The following C8A variants were observed in gnomAD, a reference collection of about 807,000 sequenced individuals.
C8A encodes the protein complement C8 alpha chain, also known as complement component C8 alpha chain.
Under a neutral mutation model 65.3 loss-of-function variants are expected in C8A, and 67 were observed. The ratio of observed to expected loss-of-function variants is 1.03; its 90% confidence interval spans 0.84 to 1.26. The LOEUF (loss-of-function observed/expected upper bound fraction) is 1.26, where lower values mean the gene tolerates loss of function less well. Among genes scored for constraint, C8A ranks in the 50% most tolerant of loss-of-function variants. C8A has a pLI of 0.00. For synonymous variants in C8A, 290 were observed against 259.4 expected (o/e 1.12, Z -1.13); for missense variants, 781 against 723.9 (o/e 1.08, Z -0.90).
At chr1:56,889,672 C>T in intron 7 of C8A, among the ~76,000 whole-genome samples, 1 of 152,128 alleles carries the variant, frequency 6.6e-6, no homozygotes, top group South Asian at 2.1e-4. Flanking sequence ...AAGGACTGAG[C>T]TTGGCATGGA....
intron 7 of C8A, among the ~76,000 whole-genome samples, chr1:56,891,609 G>T (rs1212868608): frequency 6.6e-6 from 1 of 152,154 alleles, no homozygotes; most frequent in Non-Finnish European, 1.5e-5. Flanking sequence ...GATTTGGGAT[G>T]TATTTTGAAA....
intron 7 of C8A, among the ~76,000 whole-genome samples, chr1:56,897,377 C>A (rs922517843): frequency 6.6e-6 from 1 of 152,128 alleles, no homozygotes; most frequent in Non-Finnish European, 1.5e-5. Context: ...ACTTGCATGT[C>A]GGAAGAAGTG....
At chr1:56,905,761 A>G (rs1250611081) in intron 7 of C8A, among the ~76,000 whole-genome samples, 1 of 152,058 alleles carries the variant, frequency 6.6e-6, no homozygotes, top group Non-Finnish European at 1.5e-5. Flanking sequence ...CAAAATACAA[A>G]CTCCCATTTA....
chr1:56,864,883 T>C (rs768915503), intron 1 of C8A, among the ~76,000 whole-genome samples: 8 of 152,286 alleles, frequency 5.3e-5, no homozygotes, highest in Non-Finnish European at 8.8e-5. Context: ...TGGTAAGACA[T>C]TATTTTCCCC....
chr1:56,886,149 GC>G lies in C8A; in HGVS notation c.1079del (p.Ala360GlufsTer29), dbSNP rs748438266. Reference protein sequence around the residue: ...IYEYILVIDKAKMESLGITSR... With the variant: ...IYEYILVIDKXKMESLGITSR... ...TGAATATATCCTGGTGATTGACAAA[GC>G]AAAAATGGAATCCCTTGGTAAGTAA... On this transcript the variant is annotated frameshift_variant, in exon 7 of 11. Transcript: ENST00000361249. LOFTEE classifies it high-confidence loss of function. 1.9e-5 allele frequency: 31 copies of G among 1,613,790 alleles called. No individual in the cohort carries two copies. The highest frequency in any genetic ancestry group is 2.5e-5 in the Non-Finnish European group (29 of 1,179,888).
At chr1:56,881,070 A>T (rs963607347) in intron 4 of C8A, among the ~76,000 whole-genome samples, 1 of 152,218 alleles carries the variant, frequency 6.6e-6, no homozygotes, top group African/African-American at 2.4e-5. Context: ...ATCTGGGTAA[A>T]GGAAATCTGA....
chr1:56,864,515 C>A (rs1198430628), intron 1 of C8A, among the ~76,000 whole-genome samples: 1 of 151,948 alleles, frequency 6.6e-6, no homozygotes, highest in Non-Finnish European at 1.5e-5. Flanking sequence ...CTGTGGAGGC[C>A]CCAAGTAACT....
At chr1:56,882,940 C>A (rs1338662275) in intron 5 of C8A, among the ~76,000 whole-genome samples, 1 of 152,168 alleles carries the variant, frequency 6.6e-6, no homozygotes, top group Admixed American at 6.5e-5. Context: ...GCAGAGCAAA[C>A]TACTCACAGG....
chr1:56,908,458 T>C (rs1280783204), intron 9 of C8A, among the ~76,000 whole-genome samples: 1 of 152,226 alleles, frequency 6.6e-6, no homozygotes, highest in Admixed American at 6.5e-5. Flanking sequence ...GGTGGCAAAC[T>C]TTTTCTGTAA....
chr1:56,874,109 T>G (rs1032376101), intron 2 of C8A, among the ~76,000 whole-genome samples: 1 of 152,186 alleles, frequency 6.6e-6, no homozygotes, highest in African/African-American at 2.4e-5. Flanking sequence ...TTCTGCATAA[T>G]AGGCAAGGCA....
At chr1:56,868,341 G>T (rs1055973380) in intron 2 of C8A, among the ~76,000 whole-genome samples, 8 of 151,106 alleles carry the variant, frequency 5.3e-5, no homozygotes, top group Admixed American at 3.3e-4. Flanking sequence ...AGGTGTGAGG[G>T]CTCACACCTG....
chr1:56,878,448 G>T (rs1316626038), intron 4 of C8A, among the ~76,000 whole-genome samples: 1 of 152,120 alleles, frequency 6.6e-6, no homozygotes, highest in Non-Finnish European at 1.5e-5. Flanking sequence ...GCAGAACATG[G>T]ATCTTCTCCC....
chr1:56,903,540 G>A (rs1181647652), intron 7 of C8A, among the ~76,000 whole-genome samples: 2 of 152,168 alleles, frequency 1.3e-5, no homozygotes, highest in South Asian at 2.1e-4. Context: ...TATCCACCCA[G>A]CCTTTTGAGA....
At chr1:56,911,071 T>C (rs1364745397) in intron 9 of C8A, among the ~76,000 whole-genome samples, 2 of 145,800 alleles carry the variant, frequency 1.4e-5, no homozygotes, top group Non-Finnish European at 2.9e-5. Flanking sequence ...ATGGGTTTTT[T>C]TTTTTTTTTT....
intron 10 of C8A, 117 bp from the exon 11 acceptor site, chr1:56,917,448 G>T: frequency 1.0e-6 from 1 of 996,862 alleles, no homozygotes; most frequent in African/African-American, 1.6e-5. Context: ...GACCAGAGGA[G>T]GGGAGGCCAG....
intron 7 of C8A, among the ~76,000 whole-genome samples, chr1:56,896,782 G>A (rs1644390165): frequency 6.6e-6 from 1 of 152,174 alleles, no homozygotes; most frequent in South Asian, 2.1e-4. Context: ...GGTCTGGAAA[G>A]TCTCATGTAA....
Position 56,917,870 on chromosome 1 carries a change from C to A in C8A, c.*154C>A. On this transcript the variant is annotated 3_prime_UTR_variant, in exon 11 of 11. Coordinates refer to ENST00000361249, the MANE Select transcript of C8A (RefSeq NM_000562.3). ...CAGGCCTAAGACTAGGTTTTGCTGTCTACAGCCAACTATTCTATTAGTTAC... is the reference window on the plus strand; with the variant it reads ...CAGGCCTAAGACTAGGTTTTGCTGTATACAGCCAACTATTCTATTAGTTAC... 2.6e-6 allele frequency: 2 copies of A among 782,684 alleles called. No individual in the cohort carries two copies. The highest frequency in any genetic ancestry group is 4.1e-6 in the Non-Finnish European group (2 of 482,866). 48.5% of individuals were successfully genotyped at this position (782,684 alleles called of 1,614,324 possible).
At chr1:56,857,060 T>C (rs1292241717) in intron 1 of C8A, among the ~76,000 whole-genome samples, 1 of 152,030 alleles carries the variant, frequency 6.6e-6, no homozygotes, top group Non-Finnish European at 1.5e-5. Flanking sequence ...GGGATTTGTT[T>C]TTTACTAAGA....
intron 7 of C8A, among the ~76,000 whole-genome samples, chr1:56,897,421 A>C (rs1245654194): frequency 6.6e-6 from 1 of 152,202 alleles, no homozygotes; most frequent in Non-Finnish European, 1.5e-5. Context: ...TCTTAATAGC[A>C]AATGCTACCT....
Sources: allele counts gnomAD v4.1 joint callset (sites outside exome capture counted in the v4.1 genomes callset), GRCh38; gene constraint gnomAD v4.1.1; transcripts MANE v1.5; gene names NCBI Gene and HGNC (gene_info 2026-07-23, HGNC 2026-07-21).